MFSD2B: variants seen among roughly 807,000 people sequenced by gnomAD.
MFSD2B encodes the protein sphingosine-1-phosphate transporter MFSD2B.
A neutral mutation model predicts 58.4 loss-of-function variants in MFSD2B; 56 were observed. That is an observed-to-expected ratio of 0.96 (90% CI 0.77 to 1.20). The LOEUF is 1.20. Among genes scored for constraint, MFSD2B ranks in the 50% most tolerant of loss-of-function variants. The pLI, the probability that MFSD2B is intolerant of heterozygous loss-of-function variation, is 0.00. For synonymous variants in MFSD2B, 287 were observed against 294.4 expected (o/e 0.97, Z 0.26); for missense variants, 645 against 667.6 (o/e 0.97, Z 0.37).
At position 24,021,747 on chromosome 2, in the gene MFSD2B, T is replaced by C. The variant is rs1662798321; in HGVS notation, c.772+9T>C. On this transcript the variant is annotated intron_variant, in intron 7 of 13. Coordinates refer to ENST00000338315, the MANE Select transcript of MFSD2B (RefSeq NM_001346880.2). The surrounding 1 kb of genome is among the most constrained non-coding windows in gnomAD (Gnocchi z 5.7). ...GGTGAAGGAGCGGCCAGGTATGGGG[T>C]TTGGTGAGGAGGGAAGCAGAAGCTG... is the stretch of plus-strand genomic sequence containing the variant. The C allele has an allele frequency of 6.2e-7, 1 of 1,612,936 alleles. No individual in the cohort carries two copies.
Position 24,013,378 on chromosome 2 carries a change from T to TACCTGCAGCTTTTC in MFSD2B, c.191_204dup (p.Leu69ThrfsTer9), listed in dbSNP as rs1204973829. 1.4e-5 allele frequency: 22 copies of TACCTGCAGCTTTTC among 1,610,184 alleles called. No homozygotes were observed. The highest frequency in any genetic ancestry group is 1.8e-5 in the Non-Finnish European group (21 of 1,178,358). Reference sequence around the variant, plus strand: ...GATAGCCTCCAGCGCCACAGCCTTTTACCTGCAGCTTTTCCTGCTTGATAT... The same window carrying TACCTGCAGCTTTTC: ...GATAGCCTCCAGCGCCACAGCCTTTTACCTGCAGCTTTTCACCTGCAGCTTTTCCTGCTTGATAT... On this transcript the variant is annotated frameshift_variant, in exon 2 of 14. Transcript: ENST00000338315. LOFTEE classifies it high-confidence loss of function.
At position 24,017,172 on chromosome 2, in the gene MFSD2B, TG is replaced by T; in HGVS notation, c.472-111del. ...CTAGCTCCGACTTCAGGTGGCCAGC[TG>T]GGATATGTCACGTTGGCCTGTGGGT... On this transcript the variant is annotated intron_variant, in intron 4 of 13. Coordinates refer to ENST00000338315, the MANE Select transcript of MFSD2B (RefSeq NM_001346880.2). This position sits in a 1 kb window ranked among gnomAD's most constrained non-coding sequence, Gnocchi z 4.8. 1 of 1,301,312 alleles carries T rather than the reference TG, an allele frequency of 7.7e-7. No individual in the cohort carries two copies. 80.6% of individuals were successfully genotyped at this position (1,301,312 alleles called of 1,614,324 possible).
At position 24,012,128 on chromosome 2, in the gene MFSD2B, GAAAC is replaced by G. The variant is rs1164447658; in HGVS notation, c.97-1137_97-1134del. 1.6e-3 allele frequency among the ~76,000 whole-genome samples: 229 copies of G among 145,032 alleles called. 1 individual carries two copies. Among genetic ancestry groups the G allele is most frequent in the African/African-American group, 5.3e-3 (205 of 38,982 alleles). The stretch of plus-strand genomic sequence containing the variant: ...GTATTGACTGAATACCATGGATCTG[GAAAC>G]AAACAAACAAACAAACAAAACACAC... On this transcript the variant is annotated intron_variant, in intron 1 of 13. Transcript: ENST00000338315. This position sits in a 1 kb window ranked among gnomAD's most constrained non-coding sequence, Gnocchi z 4.5.
intron 6 of MFSD2B, among the ~76,000 whole-genome samples, chr2:24,018,010 T>C (rs1223329864): frequency 6.6e-6 from 1 of 152,132 alleles, no homozygotes; most frequent in Non-Finnish European, 1.5e-5. Context: ...ACCCGCAGCA[T>C]GAAATGGTGA....
rs942505520 is a variant in MFSD2B, at chr2:24,022,225, C to T, written c.895-208C>T. Among the ~76,000 whole-genome samples the T allele has an allele frequency of 6.6e-6, 1 of 152,144 alleles. No homozygotes were observed. The highest frequency in any genetic ancestry group is 1.5e-5 in the Non-Finnish European group (1 of 68,028). On this transcript the variant is annotated intron_variant, in intron 8 of 13. Transcript: ENST00000338315. The surrounding 1 kb of genome is among the most constrained non-coding windows in gnomAD (Gnocchi z 4.5). ...TGAAGTGTAGTCAAGTCCACCTGAT[C>T]ACAGCTGAGCAGGTGATGAGGGTGG...
chr2:24,018,836 T>C (rs1335802614), intron 6 of MFSD2B: 1 of 157,634 alleles, frequency 6.3e-6, no homozygotes, highest in South Asian at 2.1e-4. Flanking sequence ...ACCTGCTGTG[T>C]TGGCCTTTTG....
At chr2:24,016,104 T>A in intron 2 of MFSD2B, 52 bp from the exon 3 acceptor site, 1 of 1,608,548 alleles carries the variant, frequency 6.2e-7, no homozygotes, top group Non-Finnish European at 8.5e-7. Context: ...CTGGATGGGC[T>A]CTCTGCTGCT....
Position 24,025,756 on chromosome 2 carries a change from C to A in MFSD2B, c.*300C>A. On this transcript the variant is annotated 3_prime_UTR_variant, in exon 14 of 14. Transcript: ENST00000338315. ...AACCTGGCTTGTGGACCAGTAATAT[C>A]TGTGGCCTACCACCCATTCAAGAAA... 2.7e-6 allele frequency: 1 copy of A among 368,852 alleles called. No homozygotes were observed. The highest frequency in any genetic ancestry group is 4.9e-6 in the Non-Finnish European group (1 of 203,720). 22.8% of individuals were successfully genotyped at this position (368,852 alleles called of 1,614,324 possible).
At chr2:24,016,320 C>A in intron 3 of MFSD2B, 40 bp downstream of exon 3, 2 of 1,565,836 alleles carry the variant, frequency 1.3e-6, no homozygotes, top group East Asian at 2.3e-5. Flanking sequence ...GGCACCTGGT[C>A]CTGGCCCTGA....
Position 24,023,314 on chromosome 2 carries a change from C to T in MFSD2B, c.1169+75C>T, listed in dbSNP as rs1287005965. 3 of 1,232,524 alleles carry T rather than the reference C, an allele frequency of 2.4e-6. No homozygotes were observed. The highest frequency in any genetic ancestry group is 1.5e-5 in the African/African-American group (1 of 67,830). 76.3% of individuals were successfully genotyped at this position (1,232,524 alleles called of 1,614,324 possible). ...CTTCATGTAAACCTGCCGTCCCAGG[C>T]CCCCTGCACCCAGCCTGTGCAGGAG... On this transcript the variant is annotated intron_variant, in intron 11 of 13. Coordinates refer to ENST00000338315, the MANE Select transcript of MFSD2B (RefSeq NM_001346880.2). The surrounding 1 kb of genome is among the most constrained non-coding windows in gnomAD (Gnocchi z 5.0).
rs949324115 is a variant in MFSD2B at position 24,024,740 on chromosome 2, G to A, written c.1490+469G>A. 6.6e-6 allele frequency among the ~76,000 whole-genome samples: 1 copy of A among 151,970 alleles called. No individual in the cohort carries two copies. The highest frequency in any genetic ancestry group is 2.4e-5 in the African/African-American group (1 of 41,390). ...GGAACTCATCTTGTCCCCCTAACTG[G>A]CTCCTCCTTCTGTGTCCCTGTCTTG... On this transcript the variant is annotated intron_variant, in intron 13 of 13. Transcript: ENST00000338315. The surrounding 1 kb of genome is among the most constrained non-coding windows in gnomAD (Gnocchi z 4.3).
At chr2:24,018,793 C>T (rs1214587546) in intron 6 of MFSD2B, 1 of 163,398 alleles carries the variant, frequency 6.1e-6, no homozygotes, top group African/African-American at 2.4e-5. Context: ...CCTCCGCAGC[C>T]TTCATGTAGG....
intron 2 of MFSD2B, among the ~76,000 whole-genome samples, chr2:24,015,779 T>C (rs2150938658): frequency 6.6e-6 from 1 of 151,344 alleles, no homozygotes; most frequent in Middle Eastern, 3.4e-3. Context: ...TGAGCCAGAA[T>C]GTTTTTCTAA....
At chr2:24,013,461 G>C in intron 2 of MFSD2B, 51 bp downstream of exon 2, 1 of 1,512,762 alleles carries the variant, frequency 6.6e-7, no homozygotes, top group South Asian at 1.3e-5. Context: ...TTGGGGTCTG[G>C]TCCTTCCACC....
chr2:24,015,063 G>A (rs1709089987), intron 2 of MFSD2B, among the ~76,000 whole-genome samples: 1 of 152,000 alleles, frequency 6.6e-6, no homozygotes, highest in Non-Finnish European at 1.5e-5. Context: ...AGGTTGCAGT[G>A]AGCTAAGATT....
Position 24,017,155 on chromosome 2 carries a change from G to T in MFSD2B, c.472-131G>T. The T allele has an allele frequency of 7.9e-7, 1 of 1,272,462 alleles. No homozygotes were observed. Among genetic ancestry groups the T allele is most frequent in the South Asian group, 1.4e-5 (1 of 70,678 alleles). 78.8% of individuals were successfully genotyped at this position (1,272,462 alleles called of 1,614,324 possible). A position where few individuals can be genotyped will look rare whatever the true frequency, so the allele number is the denominator to read the frequency against. On this transcript the variant is annotated intron_variant, in intron 4 of 13. Coordinates refer to ENST00000338315, the MANE Select transcript of MFSD2B (RefSeq NM_001346880.2). This position sits in a 1 kb window ranked among gnomAD's most constrained non-coding sequence, Gnocchi z 4.8. ...CTCCTGCCTTTGGGACCCTAGCTCC[G>T]ACTTCAGGTGGCCAGCTGGGATATG...
At chr2:24,019,654 CA>C (rs1046701351) in intron 6 of MFSD2B, among the ~76,000 whole-genome samples, 6 of 152,130 alleles carry the variant, frequency 3.9e-5, no homozygotes, top group Admixed American at 2.0e-4. Flanking sequence ...ACCCAGGAGG[CA>C]GAGGTTGCAG....
chr2:24,019,421 C>A (rs1331419566), intron 6 of MFSD2B, among the ~76,000 whole-genome samples: 2 of 152,062 alleles, frequency 1.3e-5, no homozygotes, highest in Non-Finnish European at 1.5e-5. Flanking sequence ...TGGCCCACCA[C>A]CCATTCAAGA....
At position 24,016,445 on chromosome 2, in the gene MFSD2B, AGAGACAT is replaced by A. The variant is rs1709148719; in HGVS notation, c.347+166_347+172del. Among the ~76,000 whole-genome samples the A allele has an allele frequency of 2.0e-5, 3 of 152,172 alleles. No homozygotes were observed. The South Asian group carries it at 6.2e-4, about 31-fold the overall frequency. On this transcript the variant is annotated intron_variant, in intron 3 of 13. Transcript: ENST00000338315. ...ACTGACTGTGAGTGATAAGGAGTTC[AGAGACAT>A]TCTTGGGGACTCTCCCTCCCCAGAT...
Sources: allele counts gnomAD v4.1 joint callset (sites outside exome capture counted in the v4.1 genomes callset), GRCh38; gene constraint gnomAD v4.1.1; non-coding constraint Gnocchi (gnomAD v3.1); transcripts MANE v1.5; gene names NCBI Gene and HGNC (gene_info 2026-07-23, HGNC 2026-07-21).